CMSS1: variants seen among roughly 807,000 people sequenced by gnomAD.
CMSS1 encodes protein CMSS1.
CMSS1 carries 33 observed loss-of-function variants against 43.5 expected under a neutral mutation model. The observed-to-expected ratio is 0.76, with a 90% CI of 0.57 to 1.01. CMSS1 has a LOEUF of 1.01. Ranked by LOEUF, CMSS1 falls within the 50% of genes least tolerant of loss-of-function variation. CMSS1 has a pLI of 0.00. For synonymous variants in CMSS1, 115 were observed against 117.2 expected, an observed-to-expected ratio of 0.98 and a Z score of 0.12; for missense variants, 313 against 326.4, an observed-to-expected ratio of 0.96 and a Z score of 0.32.
chr3:99,938,077 G>A lies in CMSS1; in HGVS notation c.64+120034G>A, dbSNP rs535880720. Among the ~76,000 whole-genome samples, 4 of 19,006 alleles carry A rather than the reference G, an allele frequency of 2.1e-4. No homozygotes were observed. The East Asian group carries it at 0.01, about 48-fold the overall frequency. 12.5% of individuals were successfully genotyped at this position (19,006 alleles called of 152,430 possible). A position where few individuals can be genotyped will look rare whatever the true frequency, so the allele number is the denominator to read the frequency against. On this transcript the variant is annotated intron_variant, in intron 1 of 9. Transcript: ENST00000421999. ...TGTGTGTGTGTGTGTGTGTGTGTGC[G>A]CGCGCGCGCGCGCGTGCATGCACAC...
At position 99,817,960 on chromosome 3, in the gene CMSS1, A is replaced by C. The variant is rs954480642; in HGVS notation, c.-20A>C. 6 of 1,613,780 alleles carry C rather than the reference A, an allele frequency of 3.7e-6. No individual in the cohort carries two copies. Among genetic ancestry groups the C allele is most frequent in the Non-Finnish European group, 5.1e-6 (6 of 1,179,798 alleles). On this transcript the variant is annotated 5_prime_UTR_variant, in exon 1 of 10. Transcript: ENST00000421999. ...GTCGCCTACCCGTGATGTTCTGCCC[A>C]CGTCGAGACCTGAGCTGAAATGGCA...
chr3:99,886,130 T>C (rs1039889117), intron 1 of CMSS1, among the ~76,000 whole-genome samples: 1 of 152,112 alleles, frequency 6.6e-6, no homozygotes. Flanking sequence ...TGGACGTGAG[T>C]GAGAGATGAT....
chr3:99,984,251 ATGTATTTATTATGTAGAG>A (rs779637987), intron 1 of CMSS1, among the ~76,000 whole-genome samples: 3 of 152,322 alleles, frequency 2.0e-5, no homozygotes, highest in Middle Eastern at 3.4e-3. Context: ...GTAGCCATTC[ATGTATTTATTATGTAGAG>A]TGTCCTGTCA....
At chr3:100,051,102 T>C (rs1039141744) in intron 1 of CMSS1, 4 of 152,284 alleles carry the variant, frequency 2.6e-5, no homozygotes, top group Non-Finnish European at 4.4e-5. Context: ...ATTTGAATAA[T>C]ATATACTTAT....
chr3:99,958,191 A>G (rs1214413185), intron 1 of CMSS1, among the ~76,000 whole-genome samples: 3 of 146,440 alleles, frequency 2.0e-5, no homozygotes, highest in Admixed American at 1.4e-4. Context: ...CCTAGGTATT[A>G]AGCCCTGCAT....
chr3:100,070,613 G>A (rs566702510), intron 1 of CMSS1, among the ~76,000 whole-genome samples: 21 of 152,158 alleles, frequency 1.4e-4, no homozygotes, highest in South Asian at 4.2e-4. Context: ...TCATATCATC[G>A]TGGGGTTTTT....
chr3:99,994,544 C>T (rs551114442), intron 1 of CMSS1, among the ~76,000 whole-genome samples: 9 of 152,136 alleles, frequency 5.9e-5, no homozygotes, highest in Non-Finnish European at 1.0e-4. Context: ...CTTCTCAGAA[C>T]ACAATGGAAA....
At chr3:99,913,287 A>G (rs1424921129) in intron 1 of CMSS1, among the ~76,000 whole-genome samples, 7 of 152,152 alleles carry the variant, frequency 4.6e-5, no homozygotes, top group African/African-American at 1.7e-4. Flanking sequence ...CTGACAGACT[A>G]TTTTCCAATG....
intron 1 of CMSS1, among the ~76,000 whole-genome samples, chr3:99,922,065 T>C (rs1343220024): frequency 6.6e-6 from 1 of 152,166 alleles, no homozygotes; most frequent in African/African-American, 2.4e-5. Flanking sequence ...CCACCATAAA[T>C]CTGTATCATC....
chr3:99,872,658 G>A (rs139474289), intron 1 of CMSS1, among the ~76,000 whole-genome samples: 1 of 152,222 alleles, frequency 6.6e-6, no homozygotes, highest in East Asian at 1.9e-4. Context: ...AGCCAGTAGA[G>A]CATAGAAATG....
chr3:100,085,990 A>G (rs1156530731), intron 1 of CMSS1, among the ~76,000 whole-genome samples: 2 of 152,228 alleles, frequency 1.3e-5, no homozygotes, highest in Non-Finnish European at 2.9e-5. Context: ...TGGACAAGTT[A>G]ATCAAATGGC....
At chr3:100,026,756 C>T (rs563851183) in intron 1 of CMSS1, among the ~76,000 whole-genome samples, 39 of 152,250 alleles carry the variant, frequency 2.6e-4, no homozygotes, top group Non-Finnish European at 4.9e-4. Flanking sequence ...AAACCACCAC[C>T]GTCTCTCTCC....
At chr3:100,152,286 G>C (rs1471510287) in intron 2 of CMSS1, among the ~76,000 whole-genome samples, 1 of 150,792 alleles carries the variant, frequency 6.6e-6, no homozygotes, top group Admixed American at 6.6e-5. Context: ...AATTCTCCGT[G>C]TCCAAAGGCC....
intron 1 of CMSS1, among the ~76,000 whole-genome samples, chr3:99,996,275 CAT>C (rs1709677980): frequency 6.6e-6 from 1 of 152,184 alleles, no homozygotes; most frequent in Non-Finnish European, 1.5e-5. Context: ...TTTGCTAAAA[CAT>C]AACAAGAGTC....
intron 1 of CMSS1, among the ~76,000 whole-genome samples, chr3:99,899,569 A>G (rs997665627): frequency 8.5e-5 from 13 of 152,136 alleles, no homozygotes; most frequent in Non-Finnish European, 1.9e-4. Context: ...GCTTTTTTCT[A>G]GCAGTTTCCT....
intron 1 of CMSS1, among the ~76,000 whole-genome samples, chr3:99,880,868 G>A (rs1705702210): frequency 6.6e-6 from 1 of 151,988 alleles, no homozygotes; most frequent in East Asian, 1.9e-4. Flanking sequence ...AGTGTGGATG[G>A]ACCCTGTATG....
intron 1 of CMSS1, among the ~76,000 whole-genome samples, chr3:100,031,485 A>G (rs1025866761): frequency 2.6e-5 from 4 of 152,010 alleles, no homozygotes; most frequent in Non-Finnish European, 4.4e-5. Flanking sequence ...TCCTTTTTTC[A>G]AATATAAAGG....
At chr3:99,916,168 T>C (rs1706943709) in intron 1 of CMSS1, among the ~76,000 whole-genome samples, 1 of 152,150 alleles carries the variant, frequency 6.6e-6, no homozygotes, top group Non-Finnish European at 1.5e-5. Flanking sequence ...CATCCTGCAA[T>C]CTGTTGAGAG....
intron 1 of CMSS1, among the ~76,000 whole-genome samples, chr3:100,092,945 G>T (rs1337535263): frequency 1.3e-5 from 2 of 151,612 alleles, no homozygotes; most frequent in Non-Finnish European, 2.9e-5. Context: ...CATTCTCCTG[G>T]ATACACATAA....
Sources: gnomAD v4.1 joint callset for allele counts (sites outside exome capture counted in the v4.1 genomes callset) on GRCh38, gnomAD v4.1.1 for gene constraint, MANE v1.5 for transcripts, NCBI Gene and HGNC (gene_info 2026-07-23, HGNC 2026-07-21) for gene names.